STX18: variants seen among roughly 807,000 people sequenced by gnomAD.
The protein encoded by STX18 is syntaxin-18.
Under a neutral mutation model 50.1 loss-of-function variants are expected in STX18, and 40 were observed. The ratio of observed to expected loss-of-function variants is 0.80; its 90% confidence interval spans 0.62 to 1.04. The LOEUF (loss-of-function observed/expected upper bound fraction) is 1.04, where lower values mean the gene tolerates loss of function less well. Among genes scored for constraint, STX18 ranks in the 50% least tolerant of loss-of-function variants. STX18 has a pLI of 0.00. For synonymous variants in STX18, 158 were observed against 151.8 expected (o/e 1.04, Z -0.30); for missense variants, 410 against 415.8 (o/e 0.99, Z 0.12).
In STX18 at chr4:4,420,627, ACCCT is replaced by A; in HGVS notation, c.912+233_912+236del. On this transcript the variant is annotated intron_variant, in intron 10 of 10. Coordinates refer to ENST00000306200, the MANE Select transcript of STX18 (RefSeq NM_016930.4). The surrounding 1 kb of genome is among the most constrained non-coding windows in gnomAD (Gnocchi z 4.3). The stretch of plus-strand genomic sequence containing the variant: ...GACCCTGCCAGGAGTACCCCCACCC[ACCCT>A]GGATTGCTCCTTTGGAGGCTGGTGA... 1 of 542,682 alleles carries A rather than the reference ACCCT, an allele frequency of 1.8e-6. No homozygotes were observed. Among genetic ancestry groups the A allele is most frequent in the Non-Finnish European group, 3.3e-6 (1 of 306,066 alleles). The allele number at this position is 542,682 out of a possible 1,614,324, so 33.6% of individuals were successfully genotyped here. A position where few individuals can be genotyped will look rare whatever the true frequency, so the allele number is the denominator to read the frequency against.
chr4:4,534,278 C>CTA (rs1731233336), intron 1 of STX18, among the ~76,000 whole-genome samples: 2 of 152,154 alleles, frequency 1.3e-5, no homozygotes, highest in African/African-American at 4.8e-5. Flanking sequence ...TCCATGGGCT[C>CTA]CTTGGATCTA....
At position 4,429,151 on chromosome 4, in the gene STX18, G is replaced by A. The variant is rs140223184; in HGVS notation, c.703-3929C>T. 3.9e-4 allele frequency among the ~76,000 whole-genome samples: 59 copies of A among 152,302 alleles called. No individual in the cohort carries two copies. The East Asian group carries it at 0.011, about 28-fold the overall frequency. On this transcript the variant is annotated intron_variant, in intron 7 of 10. Coordinates refer to ENST00000306200, the MANE Select transcript of STX18 (RefSeq NM_016930.4). The stretch of plus-strand genomic sequence containing the variant: ...TGGTGACTTAAGCTCTCTGTAAAAC[G>A]GGGCCAGCAATACTCTCTCCATATG...
chr4:4,495,313 AAAATGTTCTCTTAC>A (rs1316431459), intron 1 of STX18, among the ~76,000 whole-genome samples: 1 of 152,190 alleles, frequency 6.6e-6, no homozygotes, highest in East Asian at 1.9e-4. Flanking sequence ...CAACAATGTT[AAAATGTTCTCTTAC>A]AAATGATGGG....
intron 1 of STX18, among the ~76,000 whole-genome samples, chr4:4,489,856 T>A (rs969314715): frequency 6.6e-6 from 1 of 152,242 alleles, no homozygotes; most frequent in Non-Finnish European, 1.5e-5. Context: ...ACTCAAATTA[T>A]ATCTTTTCAT....
At chr4:4,540,133 G>C (rs1227518812) in intron 1 of STX18, among the ~76,000 whole-genome samples, 2 of 152,048 alleles carry the variant, frequency 1.3e-5, no homozygotes, top group Non-Finnish European at 2.9e-5. Flanking sequence ...AGAGGACCAA[G>C]GTAGTTTTTT....
At chr4:4,518,131 G>C (rs886788701) in intron 1 of STX18, among the ~76,000 whole-genome samples, 32 of 152,144 alleles carry the variant, frequency 2.1e-4, no homozygotes, top group African/African-American at 7.7e-4. Flanking sequence ...TAAGGAAGTG[G>C]CTTTAAAACT....
chr4:4,498,077 C>T (rs775276931), intron 1 of STX18, among the ~76,000 whole-genome samples: 25 of 152,124 alleles, frequency 1.6e-4, no homozygotes, highest in Non-Finnish European at 3.4e-4. Flanking sequence ...ACTTTAATAA[C>T]GGTATTAATT....
At chr4:4,540,094 G>C (rs998914417) in intron 1 of STX18, among the ~76,000 whole-genome samples, 1 of 152,130 alleles carries the variant, frequency 6.6e-6, no homozygotes, top group Non-Finnish European at 1.5e-5. Flanking sequence ...TTTCAACCTA[G>C]GAAGCTCCCA....
At chr4:4,518,409 T>C (rs1730375861) in intron 1 of STX18, among the ~76,000 whole-genome samples, 1 of 152,246 alleles carries the variant, frequency 6.6e-6, no homozygotes, top group Non-Finnish European at 1.5e-5. Flanking sequence ...TTTGGCCTTG[T>C]TATTGTGCTG....
chr4:4,451,407 G>A lies in STX18; in HGVS notation c.497+5784C>T, dbSNP rs1022657830. On this transcript the variant is annotated intron_variant, in intron 5 of 10. Coordinates refer to ENST00000306200, the MANE Select transcript of STX18 (RefSeq NM_016930.4). ...CAGATTTCAGCGTGGCTCTTATACA[G>A]CCGTACCTTGTTTCAGTATGCCTTG... Among the ~76,000 whole-genome samples the A allele has an allele frequency of 4.6e-5, 7 of 152,182 alleles. 1 individual carries two copies. Among genetic ancestry groups the A allele is most frequent in the Admixed American group, 4.6e-4 (7 of 15,268 alleles).
At chr4:4,498,435 C>G (rs1321097614) in intron 1 of STX18, among the ~76,000 whole-genome samples, 2 of 152,150 alleles carry the variant, frequency 1.3e-5, no homozygotes, top group Non-Finnish European at 2.9e-5. Context: ...CACAGTAGCA[C>G]TGGTGGTTTT....
At chr4:4,527,992 G>A (rs1328686744) in intron 1 of STX18, among the ~76,000 whole-genome samples, 3 of 151,956 alleles carry the variant, frequency 2.0e-5, no homozygotes. Context: ...AGGCTGCAAT[G>A]CTGCCTTGTC....
rs769163538 is a variant in STX18, at chr4:4,420,307, A to ATAT, written c.913-181_913-179dup. ...AGATCCACCAGAAGACAAATGGGTT[A>ATAT]TATTTCCCTCTGTTTGGCCATCATT... On this transcript the variant is annotated intron_variant, in intron 10 of 10. Transcript: ENST00000306200. The surrounding 1 kb of genome is among the most constrained non-coding windows in gnomAD (Gnocchi z 4.3). 32 of 588,370 alleles carry ATAT rather than the reference A, an allele frequency of 5.4e-5. No homozygotes were observed. Among genetic ancestry groups the ATAT allele is most frequent in the African/African-American group, 5.0e-4 (27 of 53,700 alleles). The allele number at this position is 588,370 out of a possible 1,614,324, so 36.4% of individuals were successfully genotyped here.
chr4:4,444,611 A>G (rs889085296), intron 5 of STX18, among the ~76,000 whole-genome samples: 12 of 152,322 alleles, frequency 7.9e-5, no homozygotes, highest in African/African-American at 2.9e-4. Context: ...AGTTTGCCCT[A>G]TGTGCCTTTT....
At chr4:4,431,655 C>T (rs780786924) in intron 7 of STX18, among the ~76,000 whole-genome samples, 1 of 152,154 alleles carries the variant, frequency 6.6e-6, no homozygotes, top group Admixed American at 6.5e-5. Context: ...GTCCCACAGG[C>T]GCCTCAAACT....
At chr4:4,522,394 G>C (rs180907014) in intron 1 of STX18, among the ~76,000 whole-genome samples, 1 of 152,120 alleles carries the variant, frequency 6.6e-6, no homozygotes, top group South Asian at 2.1e-4. Context: ...TTTAAGCTTC[G>C]TGCCTGCTTA....
At chr4:4,502,083 C>G (rs967961032) in intron 1 of STX18, among the ~76,000 whole-genome samples, 1 of 152,192 alleles carries the variant, frequency 6.6e-6, no homozygotes, top group Non-Finnish European at 1.5e-5. Flanking sequence ...TATGTCTAAA[C>G]AGCATAGAAC....
chr4:4,456,936 C>A (rs1207657344), intron 5 of STX18, among the ~76,000 whole-genome samples: 1 of 152,138 alleles, frequency 6.6e-6, no homozygotes, highest in Non-Finnish European at 1.5e-5. Flanking sequence ...AGTGGCCAAG[C>A]CTCCTGAGCC....
intron 1 of STX18, among the ~76,000 whole-genome samples, chr4:4,484,973 G>A (rs1211619234): frequency 1.3e-5 from 2 of 152,208 alleles, no homozygotes; most frequent in African/African-American, 4.8e-5. Context: ...CCAAGGATCC[G>A]ACCCAACTTC....
Sources: allele counts gnomAD v4.1 joint callset (sites outside exome capture counted in the v4.1 genomes callset), GRCh38; gene constraint gnomAD v4.1.1; non-coding constraint Gnocchi (gnomAD v3.1); transcripts MANE v1.5; gene names NCBI Gene and HGNC (gene_info 2026-07-23, HGNC 2026-07-21).